The following ARID4B variants were observed in gnomAD, a reference collection of about 807,000 sequenced individuals.
The protein encoded by ARID4B is AT-rich interactive domain-containing protein 4B.
In ARID4B, 26 loss-of-function variants were observed where a neutral mutation model predicts 147.5. The ratio of observed to expected loss-of-function variants is 0.18; its 90% CI spans 0.13 to 0.24. The LOEUF is 0.24. ARID4B is among the 10% of genes least tolerant of loss of function. The pLI is 1.00. For missense variants in ARID4B, 1,179 were observed against 1,511.5 expected (o/e 0.78, Z 3.65); for synonymous variants, 512 against 507.9 (o/e 1.01, Z -0.11).
intron 2 of ARID4B, among the ~76,000 whole-genome samples, chr1:235,309,550 G>C (rs1219330676): frequency 6.8e-6 from 1 of 147,724 alleles, no homozygotes; most frequent in Non-Finnish European, 1.5e-5. Context: ...GGAGGGAGGT[G>C]GGGGGGTCAG....
intron 2 of ARID4B, among the ~76,000 whole-genome samples, chr1:235,322,032 ATTT>A (rs1014294163): frequency 6.7e-6 from 1 of 148,872 alleles, no homozygotes; most frequent in Admixed American, 6.7e-5. Flanking sequence ...TCAAGAAAAA[ATTT>A]TTTTTTTTTT....
chr1:235,203,639 T>C (rs1666098593), intron 17 of ARID4B, among the ~76,000 whole-genome samples: 1 of 152,192 alleles, frequency 6.6e-6, no homozygotes, highest in Admixed American at 6.5e-5. Flanking sequence ...ATGTATTTTA[T>C]ATCTTGCCTC....
chr1:235,198,820 C>G (rs1201647440), intron 17 of ARID4B, among the ~76,000 whole-genome samples: 1 of 152,146 alleles, frequency 6.6e-6, no homozygotes, highest in Non-Finnish European at 1.5e-5. Context: ...TCTCATGGGG[C>G]CGGGCGCAGT....
chr1:235,234,770 T>C (rs1197213350), intron 8 of ARID4B, among the ~76,000 whole-genome samples: 2 of 152,162 alleles, frequency 1.3e-5, no homozygotes, highest in East Asian at 1.9e-4. Context: ...GTGGACGAAG[T>C]TCTAGTCAGA....
intron 2 of ARID4B, among the ~76,000 whole-genome samples, chr1:235,273,086 A>AGAGT (rs540590125): frequency 1.1e-3 from 161 of 152,316 alleles, no homozygotes; most frequent in African/African-American, 3.1e-3. Flanking sequence ...TTTACAGGCT[A>AGAGT]GAGTGCAGTG....
At chr1:235,254,962 C>T (rs1669860686) in intron 5 of ARID4B, among the ~76,000 whole-genome samples, 1 of 151,830 alleles carries the variant, frequency 6.6e-6, no homozygotes, top group Non-Finnish European at 1.5e-5. Context: ...CAGACAGTGT[C>T]TTTTAGGAAG....
intron 2 of ARID4B, among the ~76,000 whole-genome samples, chr1:235,281,852 T>C (rs1016924425): frequency 6.6e-6 from 1 of 152,170 alleles, no homozygotes; most frequent in Non-Finnish European, 1.5e-5. Flanking sequence ...AGAAGACCAA[T>C]AAGAAATGCT....
Position 235,183,767 on chromosome 1 carries a change from C to T in ARID4B, c.2126-974G>A, listed in dbSNP as rs978602591. 1.8e-3 allele frequency among the ~76,000 whole-genome samples: 194 copies of T among 110,054 alleles called. 1 individual carries two copies. Among genetic ancestry groups the T allele is most frequent in the African/African-American group, 6.7e-3 (190 of 28,214 alleles). The allele number at this position is 110,054 out of a possible 152,430, so 72.2% of individuals were successfully genotyped here. A position where few individuals can be genotyped will look rare whatever the true frequency, so the allele number is the denominator to read the frequency against. ...TTTCCCTCCCTGCCTCCCTTCCTTT[C>T]TCTTTCCTTTCTCTTTCTTTATTTC... is the stretch of plus-strand genomic sequence containing the variant. On this transcript the variant is annotated intron_variant, in intron 19 of 23. Coordinates refer to ENST00000264183, the MANE Select transcript of ARID4B (RefSeq NM_016374.6).
intron 2 of ARID4B, among the ~76,000 whole-genome samples, chr1:235,299,667 C>A (rs1307784392): frequency 1.3e-5 from 2 of 152,196 alleles, no homozygotes; most frequent in Non-Finnish European, 2.9e-5. Context: ...GATCTGAATC[C>A]TGGCACTGGT....
chr1:235,285,082 T>G (rs1263529024), intron 2 of ARID4B, among the ~76,000 whole-genome samples: 1 of 152,080 alleles, frequency 6.6e-6, no homozygotes, highest in Non-Finnish European at 1.5e-5. Flanking sequence ...CCCAGCTGAC[T>G]TTTTTTAAAA....
intron 2 of ARID4B, among the ~76,000 whole-genome samples, chr1:235,281,654 G>A (rs1361209754): frequency 1.3e-5 from 2 of 152,160 alleles, no homozygotes; most frequent in Non-Finnish European, 2.9e-5. Flanking sequence ...AGCCTGCAGT[G>A]AGTTGTTATC....
chr1:235,223,382 T>TATATATACACGTATATATATATATACAC lies in ARID4B; in HGVS notation c.971-123_971-122insGTGTATATATATATATACGTGTATATAT, dbSNP rs71172272. ...ATATATATACACGTATATATATATA[T>TATATATACACGTATATATATATATACAC]ACACGTATATATATGTGTGTGTATA... On this transcript the variant is annotated intron_variant, in intron 12 of 23. Transcript: ENST00000264183. 2.5e-4 allele frequency: 53 copies of TATATATACACGTATATATATATATACAC among 214,192 alleles called. 1 individual carries two copies. The highest frequency in any genetic ancestry group is 1.9e-3 in the Middle Eastern group (1 of 524). The allele number at this position is 214,192 out of a possible 1,614,324, so 13.3% of individuals were successfully genotyped here. A position where few individuals can be genotyped will look rare whatever the true frequency, so the allele number is the denominator to read the frequency against.
At chr1:235,310,669 T>G (rs1208338740) in intron 2 of ARID4B, among the ~76,000 whole-genome samples, 1 of 152,070 alleles carries the variant, frequency 6.6e-6, no homozygotes, top group Admixed American at 6.6e-5. Context: ...AATTAACGTG[T>G]TTTTGATTTT....
At chr1:235,311,654 G>A (rs1674061009) in intron 2 of ARID4B, among the ~76,000 whole-genome samples, 1 of 151,954 alleles carries the variant, frequency 6.6e-6, no homozygotes, top group Non-Finnish European at 1.5e-5. Flanking sequence ...CGGGACTGTA[G>A]TCCCAGCTAC....
chr1:235,201,894 G>A (rs905387800), intron 17 of ARID4B, among the ~76,000 whole-genome samples: 1 of 151,520 alleles, frequency 6.6e-6, no homozygotes, highest in African/African-American at 2.4e-5. Flanking sequence ...AAAAAAATAT[G>A]TAAAATAAAA....
chr1:235,270,918 G>A (rs992202753), intron 2 of ARID4B, among the ~76,000 whole-genome samples: 7 of 152,122 alleles, frequency 4.6e-5, no homozygotes, highest in African/African-American at 1.7e-4. Flanking sequence ...AACAGAAACT[G>A]GCATTGTTAT....
intron 14 of ARID4B, 115 bp from the exon 15 acceptor site, chr1:235,220,660 T>C (rs1667401131): frequency 3.5e-6 from 3 of 852,534 alleles, no homozygotes; most frequent in Non-Finnish European, 4.9e-6. Context: ...TGAGCCATAT[T>C]AACATTCTAA....
chr1:235,234,002 C>G (rs370245079), intron 9 of ARID4B, among the ~76,000 whole-genome samples: 1 of 152,278 alleles, frequency 6.6e-6, no homozygotes, highest in East Asian at 1.9e-4. Flanking sequence ...TAGCTTGAAC[C>G]CAGGAGGCAG....
At chr1:235,292,650 AC>A (rs1158931589) in intron 2 of ARID4B, among the ~76,000 whole-genome samples, 2 of 151,870 alleles carry the variant, frequency 1.3e-5, no homozygotes, top group African/African-American at 2.4e-5. Flanking sequence ...TTTTCCATCT[AC>A]AGTGATAGGA....
Sources: gnomAD v4.1 joint callset for allele counts (sites outside exome capture counted in the v4.1 genomes callset) on GRCh38, gnomAD v4.1.1 for gene constraint, MANE v1.5 for transcripts, NCBI Gene and HGNC (gene_info 2026-07-23, HGNC 2026-07-21) for gene names.